Variants in DOCK4 observed in about 807,000 individuals in gnomAD.
DOCK4 encodes dedicator of cytokinesis 4.
Under a neutral mutation model 268.1 loss-of-function variants are expected in DOCK4, and 97 were observed. The ratio of observed to expected loss-of-function variants is 0.36; its 90% CI spans 0.31 to 0.43. The LOEUF (loss-of-function observed/expected upper bound fraction) is 0.43, where lower values mean the gene tolerates loss of function less well. DOCK4 is among the 20% of genes least tolerant of loss of function. The pLI is 1.00. For missense variants in DOCK4, 2,145 were observed against 2,455.7 expected, an observed-to-expected ratio of 0.87 and a Z score of 2.67; for synonymous variants, 954 against 887.2, an observed-to-expected ratio of 1.08 and a Z score of -1.34.
At chr7:111,894,434 T>C (rs985363748) in intron 16 of DOCK4, among the ~76,000 whole-genome samples, 2 of 152,128 alleles carry the variant, frequency 1.3e-5, no homozygotes, top group Non-Finnish European at 2.9e-5. Context: ...GATCAACAGA[T>C]AGTTCTGGGA....
intron 1 of DOCK4, among the ~76,000 whole-genome samples, chr7:112,104,432 A>C (rs1341396640): frequency 6.6e-6 from 1 of 151,978 alleles, no homozygotes; most frequent in Admixed American, 6.6e-5. Flanking sequence ...GGGAAAAAAA[A>C]CTCCCAACTC....
At chr7:112,090,621 A>C (rs1809535291) in intron 1 of DOCK4, among the ~76,000 whole-genome samples, 1 of 152,210 alleles carries the variant, frequency 6.6e-6, no homozygotes, top group South Asian at 2.1e-4. Context: ...TGAAAAGGTT[A>C]AATATACAAG....
chr7:111,942,101 A>G (rs1057078608), intron 10 of DOCK4, among the ~76,000 whole-genome samples: 11 of 152,222 alleles, frequency 7.2e-5, no homozygotes, highest in African/African-American at 2.7e-4. Flanking sequence ...TCAGATTTCT[A>G]GCACATTCTC....
At chr7:111,820,665 C>T (rs1398420890) in intron 27 of DOCK4, 4 of 152,112 alleles carry the variant, frequency 2.6e-5, no homozygotes, top group Non-Finnish European at 5.9e-5. Context: ...CAATTTTAGG[C>T]AAGCTTAAGC....
chr7:111,835,393 T>C (rs1225684760), intron 25 of DOCK4, among the ~76,000 whole-genome samples: 2 of 152,200 alleles, frequency 1.3e-5, no homozygotes, highest in African/African-American at 2.4e-5. Flanking sequence ...TTGGCCATTC[T>C]TTTTGTGCTT....
At chr7:111,903,944 C>T (rs1791355518) in intron 13 of DOCK4, among the ~76,000 whole-genome samples, 1 of 152,138 alleles carries the variant, frequency 6.6e-6, no homozygotes, top group African/African-American at 2.4e-5. Flanking sequence ...GGGGTTGTTA[C>T]CTTAGGAATT....
At chr7:111,934,443 T>C (rs1463372939) in intron 12 of DOCK4, among the ~76,000 whole-genome samples, 2 of 152,000 alleles carry the variant, frequency 1.3e-5, no homozygotes, top group Non-Finnish European at 2.9e-5. Context: ...CCAACTTCAA[T>C]GTGTGAACCT....
At chr7:112,082,511 T>A (rs1808688341) in intron 1 of DOCK4, among the ~76,000 whole-genome samples, 1 of 152,164 alleles carries the variant, frequency 6.6e-6, no homozygotes, top group Admixed American at 6.5e-5. Flanking sequence ...CACGCTGGGA[T>A]TTCCCAGCAA....
At chr7:111,768,779 C>T (rs886839914) in intron 37 of DOCK4, among the ~76,000 whole-genome samples, 1 of 152,098 alleles carries the variant, frequency 6.6e-6, no homozygotes, top group African/African-American at 2.4e-5. Context: ...TATAATGGAG[C>T]AGAATGCATG....
intron 1 of DOCK4, among the ~76,000 whole-genome samples, chr7:112,140,024 AAAAGAGACATCCCCTAAGGCCTC>A (rs1175260558): frequency 6.6e-6 from 1 of 152,176 alleles, no homozygotes; most frequent in African/African-American, 2.4e-5. Context: ...AAGATGAGGA[AAAAGAGACATCCCCTAAGGCCTC>A]AAAGCTAAGG....
At chr7:111,848,986 C>CAGAT (rs1804329244) in intron 23 of DOCK4, among the ~76,000 whole-genome samples, 1 of 152,174 alleles carries the variant, frequency 6.6e-6, no homozygotes, top group African/African-American at 2.4e-5. Flanking sequence ...ATCCTTCATC[C>CAGAT]AGATAAAGGA....
At chr7:112,115,315 T>C (rs1027791385) in intron 1 of DOCK4, among the ~76,000 whole-genome samples, 3 of 152,232 alleles carry the variant, frequency 2.0e-5, no homozygotes, top group Non-Finnish European at 4.4e-5. Flanking sequence ...TTTTCAGTGC[T>C]ATCTAGGTGA....
chr7:112,137,113 A>G (rs1046887275), intron 1 of DOCK4, among the ~76,000 whole-genome samples: 17 of 152,252 alleles, frequency 1.1e-4, no homozygotes, highest in African/African-American at 4.1e-4. Context: ...TGAGTCATAC[A>G]TATTGCTATA....
intron 1 of DOCK4, among the ~76,000 whole-genome samples, chr7:112,009,517 A>G (rs1195256873): frequency 1.3e-5 from 2 of 152,248 alleles, no homozygotes; most frequent in African/African-American, 4.8e-5. Context: ...GTCTGAAAAC[A>G]TAGCAGTGTC....
intron 1 of DOCK4, among the ~76,000 whole-genome samples, chr7:112,073,961 T>C (rs991716485): frequency 6.6e-6 from 1 of 152,164 alleles, no homozygotes; most frequent in Non-Finnish European, 1.5e-5. Context: ...ACTCTATACA[T>C]GAATTGAATC....
intron 23 of DOCK4, among the ~76,000 whole-genome samples, chr7:111,850,000 C>T (rs1329571502): frequency 1.3e-5 from 2 of 152,140 alleles, no homozygotes; most frequent in East Asian, 3.9e-4. Flanking sequence ...AAGTCAACTG[C>T]CACCCAGCCT....
At chr7:111,796,590 T>A (rs892253709) in intron 30 of DOCK4, among the ~76,000 whole-genome samples, 22 of 152,246 alleles carry the variant, frequency 1.4e-4, no homozygotes, top group Non-Finnish European at 2.6e-4. Flanking sequence ...CTATAGTGTT[T>A]CCTATTAAAA....
At chr7:111,919,879 A>T (rs17158997) in intron 12 of DOCK4, among the ~76,000 whole-genome samples, 9,453 of 152,284 alleles carry the variant, frequency 0.062, 306 homozygotes, top group African/African-American at 0.087. Flanking sequence ...AGCCATTGCA[A>T]TTCCATTTAT....
intron 26 of DOCK4, among the ~76,000 whole-genome samples, chr7:111,825,557 A>T (rs1802330642): frequency 6.6e-6 from 1 of 152,228 alleles, no homozygotes; most frequent in Admixed American, 6.5e-5. Context: ...CCATGCCTAT[A>T]ATATTCCTGC....
Sources: gnomAD v4.1 joint callset for allele counts (sites outside exome capture counted in the v4.1 genomes callset) on GRCh38, gnomAD v4.1.1 for gene constraint, MANE v1.5 for transcripts, NCBI Gene and HGNC (gene_info 2026-07-23, HGNC 2026-07-21) for gene names.